PTPRD: variants seen among roughly 807,000 people sequenced by gnomAD.
PTPRD encodes protein tyrosine phosphatase receptor type D, also known as receptor-type tyrosine-protein phosphatase delta.
PTPRD carries 34 observed loss-of-function variants against 214.5 expected under a neutral mutation model. The observed-to-expected ratio is 0.16, with a 90% confidence interval of 0.12 to 0.21. The LOEUF (loss-of-function observed/expected upper bound fraction) is 0.21, where lower values mean the gene tolerates loss of function less well. Among genes scored for constraint, PTPRD ranks in the 10% least tolerant of loss-of-function variants. The pLI is 1.00. For synonymous variants in PTPRD, 1,128 were observed against 845.7 expected (o/e 1.33, Z -5.79); for missense variants, 2,545 against 2,398.7 (o/e 1.06, Z -1.27).
Position 9,293,118 on chromosome 9 carries a change from C to T in PTPRD, c.-203+104331G>A, listed in dbSNP as rs145167186. ...TCCCATATGGAAGTGGAGAGTTATG[C>T]TTTACCTTCTTGAGAGTGAAATAAC... On this transcript the variant is annotated intron_variant, in intron 9 of 45. Coordinates refer to ENST00000381196, the MANE Select transcript of PTPRD (RefSeq NM_002839.4). Among the ~76,000 whole-genome samples the T allele has an allele frequency of 3.4e-3, 513 of 151,572 alleles. 2 individuals are homozygous for T. Among genetic ancestry groups the T allele is most frequent in the African/African-American group, 0.012 (486 of 41,458 alleles).
chr9:8,439,151 AAGGGAGGAGAAT>A (rs2095457416), intron 34 of PTPRD, among the ~76,000 whole-genome samples: 2 of 152,212 alleles, frequency 1.3e-5, no homozygotes, highest in Admixed American at 6.5e-5. Context: ...TTTCACAGAA[AAGGGAGGAGAAT>A]CTGTGTGAAT....
chr9:8,341,045 G>T, intron 41 of PTPRD, 45 bp downstream of exon 41: 1 of 1,507,164 alleles, frequency 6.6e-7, no homozygotes, highest in Non-Finnish European at 8.9e-7. Context: ...TAGGGCACAT[G>T]TAAATATCAA....
chr9:9,271,741 T>A (rs1943024406), intron 9 of PTPRD, among the ~76,000 whole-genome samples: 1 of 151,358 alleles, frequency 6.6e-6, no homozygotes, highest in Admixed American at 6.6e-5. Flanking sequence ...AAATGTTTTT[T>A]CTGAGACTAA....
intron 11 of PTPRD, among the ~76,000 whole-genome samples, chr9:8,935,030 G>C (rs574276950): frequency 1.3e-5 from 2 of 152,100 alleles, no homozygotes; most frequent in African/African-American, 4.8e-5. Flanking sequence ...CACACACAGA[G>C]AGATATATGT....
intron 10 of PTPRD, among the ~76,000 whole-genome samples, chr9:9,163,829 G>A (rs185460765): frequency 1.9e-3 from 296 of 152,218 alleles, no homozygotes; most frequent in African/African-American, 6.2e-3. Context: ...CTTCAAAGCA[G>A]AACTTGCTCT....
In PTPRD at chr9:8,822,855, G is replaced by A. The variant is rs543986847; in HGVS notation, c.-103-88909C>T. 4.5e-4 allele frequency among the ~76,000 whole-genome samples: 68 copies of A among 152,088 alleles called. 1 individual carries two copies. The highest frequency in any genetic ancestry group is 8.5e-4 in the Non-Finnish European group (58 of 67,990). On this transcript the variant is annotated intron_variant, in intron 11 of 45. Transcript: ENST00000381196. ...ACCAGTGCTGCAGTCATTTACTTAA[G>A]CTACGGCAATTTAACAGGTTAGAAA... is the stretch of plus-strand genomic sequence containing the variant.
At chr9:9,131,318 G>A (rs2099842232) in intron 10 of PTPRD, among the ~76,000 whole-genome samples, 1 of 152,110 alleles carries the variant, frequency 6.6e-6, no homozygotes, top group African/African-American at 2.4e-5. Context: ...TCATTTTGAA[G>A]AATGCATGTC....
At chr9:9,587,065 G>A (rs1324720781) in intron 7 of PTPRD, among the ~76,000 whole-genome samples, 4 of 151,940 alleles carry the variant, frequency 2.6e-5, no homozygotes, top group African/African-American at 7.2e-5. Flanking sequence ...GTGTATATAG[G>A]TAACAAAATG....
At chr9:9,488,078 C>A (rs1304496272) in intron 8 of PTPRD, among the ~76,000 whole-genome samples, 1 of 152,062 alleles carries the variant, frequency 6.6e-6, no homozygotes, top group Non-Finnish European at 1.5e-5. Context: ...ATTATTGTAA[C>A]CTTTATTTTG....
At chr9:9,534,346 A>C (rs2076094852) in intron 8 of PTPRD, among the ~76,000 whole-genome samples, 1 of 152,076 alleles carries the variant, frequency 6.6e-6, no homozygotes, top group Non-Finnish European at 1.5e-5. Context: ...GTCATCCTCA[A>C]TTACCTCCAT....
chr9:10,529,448 T>A (rs1590146231), intron 2 of PTPRD, among the ~76,000 whole-genome samples: 1 of 151,878 alleles, frequency 6.6e-6, no homozygotes, highest in East Asian at 2.0e-4. Context: ...AAACCTTCAT[T>A]CTCAGTAAAC....
intron 9 of PTPRD, among the ~76,000 whole-genome samples, chr9:9,294,340 T>C (rs1044791266): frequency 7.2e-5 from 11 of 151,732 alleles, no homozygotes; most frequent in Non-Finnish European, 1.5e-5. Flanking sequence ...TACTTCTGTA[T>C]GTAACCATAA....
chr9:8,937,219 T>A (rs2099003757), intron 11 of PTPRD, among the ~76,000 whole-genome samples: 1 of 152,172 alleles, frequency 6.6e-6, no homozygotes, highest in Non-Finnish European at 1.5e-5. Context: ...TATCACCTGA[T>A]GAGCATCACA....
intron 11 of PTPRD, among the ~76,000 whole-genome samples, chr9:8,904,509 T>C (rs533382899): frequency 3.3e-5 from 5 of 152,012 alleles, no homozygotes; most frequent in African/African-American, 1.2e-4. Context: ...CTGTCTCTAC[T>C]AAAAACACAA....
chr9:8,314,347 C>T lies in PTPRD; in HGVS notation c.*3527G>A, dbSNP rs760935332. 6 of 227,342 alleles carry T rather than the reference C, an allele frequency of 2.6e-5. No individual in the cohort carries two copies. The highest frequency in any genetic ancestry group is 3.5e-5 in the Non-Finnish European group (4 of 114,092). 14.1% of individuals were successfully genotyped at this position (227,342 alleles called of 1,614,324 possible). ...CAGACTTCTTTCGCCACCAATGTAA[C>T]GAAGTAAGAAAATAAAAAGCACGCC... On this transcript the variant is annotated 3_prime_UTR_variant, in exon 46 of 46. Transcript: ENST00000381196.
intron 8 of PTPRD, among the ~76,000 whole-genome samples, chr9:9,482,324 T>C (rs1256814035): frequency 1.3e-5 from 2 of 152,144 alleles, no homozygotes; most frequent in Non-Finnish European, 2.9e-5. Flanking sequence ...AATTCTAGAG[T>C]CATGGTATTC....
rs111870765 is a variant in PTPRD at position 9,703,856 on chromosome 9, C to T, written c.-287+30677G>A. Among the ~76,000 whole-genome samples, 1,279 of 152,094 alleles carry T rather than the reference C, an allele frequency of 8.4e-3. 17 individuals carry two copies. Among genetic ancestry groups the T allele is most frequent in the African/African-American group, 0.03 (1,225 of 41,498 alleles). Reference sequence around the variant, plus strand: ...TTGAGAACATATAGAATGCAATAAACTTTATCCAGTAGAAAAAATAATTAC... The same window carrying T: ...TTGAGAACATATAGAATGCAATAAATTTTATCCAGTAGAAAAAATAATTAC... On this transcript the variant is annotated intron_variant, in intron 7 of 45. Transcript: ENST00000381196.
At chr9:9,993,336 C>T (rs531902220) in intron 4 of PTPRD, among the ~76,000 whole-genome samples, 1 of 152,268 alleles carries the variant, frequency 6.6e-6, no homozygotes, top group South Asian at 2.1e-4. Flanking sequence ...ACATGTACAT[C>T]AAAGTGCGTA....
chr9:9,853,396 C>G (rs1198969243), intron 5 of PTPRD, among the ~76,000 whole-genome samples: 1 of 152,082 alleles, frequency 6.6e-6, no homozygotes, highest in Non-Finnish European at 1.5e-5. Flanking sequence ...ATTCTTGTTT[C>G]AGGACCATAT....
Sources: allele counts gnomAD v4.1 joint callset (sites outside exome capture counted in the v4.1 genomes callset), GRCh38; gene constraint gnomAD v4.1.1; transcripts MANE v1.5; gene names NCBI Gene and HGNC (gene_info 2026-07-23, HGNC 2026-07-21).